Variants in RAB33B observed in about 807,000 individuals in gnomAD.
The protein encoded by RAB33B is ras-related protein Rab-33B.
A neutral mutation model predicts 15.0 loss-of-function variants in RAB33B; 6 were observed. The observed-to-expected ratio is 0.40, with a 90% CI of 0.22 to 0.79. The LOEUF is 0.79. RAB33B is among the 30% of genes least tolerant of loss of function. The probability of loss-of-function intolerance (pLI) is 0.37; values close to 1 mark genes in which losing one functional copy is unlikely to be tolerated. For missense variants in RAB33B, 257 were observed against 296.4 expected (o/e 0.87, Z 0.98); for synonymous variants, 117 against 108.3 (o/e 1.08, Z -0.50).
At chr4:139,467,540 C>A in intron 1 of RAB33B, among the ~76,000 whole-genome samples, 1 of 151,540 alleles carries the variant, frequency 6.6e-6, no homozygotes, top group African/African-American at 2.4e-5. Flanking sequence ...TATTCATCCC[C>A]TCAAGTATTT....
At chr4:139,464,435 C>T (rs1305214498) in intron 1 of RAB33B, among the ~76,000 whole-genome samples, 1 of 105,622 alleles carries the variant, frequency 9.5e-6, no homozygotes, top group African/African-American at 3.5e-5. Context: ...CTAGGGTATT[C>T]AATGTGCAGG....
At chr4:139,463,284 C>T (rs1202850633) in intron 1 of RAB33B, among the ~76,000 whole-genome samples, 1 of 152,194 alleles carries the variant, frequency 6.6e-6, no homozygotes, top group Admixed American at 6.5e-5. Flanking sequence ...AAGGCGTGTG[C>T]CACCACACCT....
chr4:139,461,491 A>T (rs1349302514), intron 1 of RAB33B, among the ~76,000 whole-genome samples: 1 of 152,182 alleles, frequency 6.6e-6, no homozygotes, highest in Non-Finnish European at 1.5e-5. Flanking sequence ...GCATATATTA[A>T]ATAAGGGCAT....
At chr4:139,465,990 G>C (rs1188136302) in intron 1 of RAB33B, among the ~76,000 whole-genome samples, 1 of 151,828 alleles carries the variant, frequency 6.6e-6, no homozygotes, top group African/African-American at 2.4e-5. Flanking sequence ...AGGTCTCACT[G>C]TGTTGCCCAA....
chr4:139,452,929 T>C (rs1337550370), upstream of RAB33B: 1 of 152,240 alleles, frequency 6.6e-6, no homozygotes, highest in African/African-American at 2.4e-5. Flanking sequence ...CAAACAGATG[T>C]CACTGCAAAA....
intron 1 of RAB33B, among the ~76,000 whole-genome samples, chr4:139,458,506 C>T (rs1458059722): frequency 2.0e-5 from 3 of 152,150 alleles, no homozygotes; most frequent in East Asian, 1.9e-4. Flanking sequence ...TCTTTGTGTC[C>T]GTGCGGTATT....
At chr4:139,442,045 T>C in the RAB33B span, among the ~76,000 whole-genome samples, 3 of 152,200 alleles carry the variant, frequency 2.0e-5, no homozygotes, top group African/African-American at 7.2e-5. Context: ...GCAATCACGG[T>C]TGCGATTTTC....
rs899332462 is a variant in RAB33B at position 139,475,067 on chromosome 4, T to C, written c.*1941T>C. On this transcript the variant is annotated 3_prime_UTR_variant, in exon 2 of 2. Coordinates refer to ENST00000305626, the MANE Select transcript of RAB33B (RefSeq NM_031296.3). Reference sequence around the variant, plus strand: ...GAAGTGATTATTCCATTTTAAGTATTAGAGCTCAAATTGGCTTTATTTGCA... The same window carrying C: ...GAAGTGATTATTCCATTTTAAGTATCAGAGCTCAAATTGGCTTTATTTGCA... 2.6e-5 allele frequency: 4 copies of C among 152,166 alleles called. No individual in the cohort carries two copies. Among genetic ancestry groups the C allele is most frequent in the African/African-American group, 9.6e-5 (4 of 41,460 alleles). 9.4% of individuals were successfully genotyped at this position (152,166 alleles called of 1,614,324 possible). A position where few individuals can be genotyped will look rare whatever the true frequency, so the allele number is the denominator to read the frequency against.
the RAB33B span, among the ~76,000 whole-genome samples, chr4:139,442,475 C>T: frequency 1.3e-5 from 2 of 151,990 alleles, no homozygotes; most frequent in Non-Finnish European, 2.9e-5. Flanking sequence ...AGGGTGTTGC[C>T]AAAGGAGTTT....
Position 139,456,088 on chromosome 4 carries a change from A to ACAC in RAB33B, c.249+1644_249+1645insCAC, listed in dbSNP as rs1750063410. 4.6e-5 allele frequency among the ~76,000 whole-genome samples: 7 copies of ACAC among 152,312 alleles called. No homozygotes were observed. The East Asian group carries it at 1.3e-3, about 29-fold the overall frequency. On this transcript the variant is annotated intron_variant, in intron 1 of 1. Coordinates refer to ENST00000305626, the MANE Select transcript of RAB33B (RefSeq NM_031296.3). ...CATGATACCTTATCAGGCTGCTGTGAGGATCAGATGAGGACATATATGAAG... is the reference window on the plus strand; with the variant it reads ...CATGATACCTTATCAGGCTGCTGTGACACGGATCAGATGAGGACATATATGAAG...
chr4:139,447,302 TGTATACCCTGAATCA>T, the RAB33B span, among the ~76,000 whole-genome samples: 7 of 152,294 alleles, frequency 4.6e-5, no homozygotes, highest in South Asian at 1.2e-3. Flanking sequence ...CAGAAGGCCA[TGTATACCCTGAATCA>T]GCGTCCAATA....
intron 1 of RAB33B, among the ~76,000 whole-genome samples, chr4:139,470,695 T>A (rs1750371997): frequency 6.6e-6 from 1 of 152,194 alleles, no homozygotes; most frequent in African/African-American, 2.4e-5. Context: ...GTCAATGTAG[T>A]GCCTGGGTAT....
At chr4:139,461,790 A>T (rs1226535239) in intron 1 of RAB33B, among the ~76,000 whole-genome samples, 1 of 151,802 alleles carries the variant, frequency 6.6e-6, no homozygotes, top group African/African-American at 2.4e-5. Flanking sequence ...AAAAATTTTG[A>T]CCAGGCATGG....
At chr4:139,464,108 A>G (rs1448789855) in intron 1 of RAB33B, among the ~76,000 whole-genome samples, 4 of 151,792 alleles carry the variant, frequency 2.6e-5, no homozygotes, top group African/African-American at 9.7e-5. Flanking sequence ...CCACCCCCCC[A>G]CTGTCTCTAC....
At chr4:139,446,275 C>T in the RAB33B span, among the ~76,000 whole-genome samples, 16 of 152,148 alleles carry the variant, frequency 1.1e-4, no homozygotes, top group African/African-American at 3.6e-4. Flanking sequence ...GCCCGGTTCA[C>T]GGATGATTCT....
At position 139,476,576 on chromosome 4, in the gene RAB33B, A is replaced by G. The variant is rs1429419856; in HGVS notation, c.*3450A>G. 2 of 152,232 alleles carry G rather than the reference A, an allele frequency of 1.3e-5. No individual in the cohort carries two copies. The highest frequency in any genetic ancestry group is 4.8e-5 in the African/African-American group (2 of 41,462). 9.4% of individuals were successfully genotyped at this position (152,232 alleles called of 1,614,324 possible). A position where few individuals can be genotyped will look rare whatever the true frequency, so the allele number is the denominator to read the frequency against. The stretch of plus-strand genomic sequence containing the variant: ...ATCAAACATTTATCAAGTATGGGTC[A>G]TGTGTTCTCTATTTGTGTTAGTGGA... On this transcript the variant is annotated 3_prime_UTR_variant, in exon 2 of 2. Transcript: ENST00000305626.
upstream of RAB33B, chr4:139,452,946 AAACT>A (rs1395214826): frequency 3.3e-5 from 5 of 152,234 alleles, no homozygotes; most frequent in Non-Finnish European, 7.3e-5. Context: ...AAAACAAAAC[AAACT>A]TTTAACAAAA....
chr4:139,463,228 G>A (rs1337614909), intron 1 of RAB33B, among the ~76,000 whole-genome samples: 4 of 152,186 alleles, frequency 2.6e-5, no homozygotes, highest in Admixed American at 1.3e-4. Flanking sequence ...GCAATGGTGC[G>A]ATGTCAGCTA....
At chr4:139,443,811 T>C in the RAB33B span, among the ~76,000 whole-genome samples, 1 of 152,144 alleles carries the variant, frequency 6.6e-6, no homozygotes, top group South Asian at 2.1e-4. Flanking sequence ...TGACCCACAC[T>C]GTCATCAGCC....
Sources: allele counts gnomAD v4.1 joint callset (sites outside exome capture counted in the v4.1 genomes callset), GRCh38; gene constraint gnomAD v4.1.1; transcripts MANE v1.5; gene names NCBI Gene and HGNC (gene_info 2026-07-23, HGNC 2026-07-21).